Variants in CEP290 observed in about 807,000 individuals in gnomAD.
The protein encoded by CEP290 is centrosomal protein of 290 kDa.
Under a neutral mutation model 344.9 loss-of-function variants are expected in CEP290, and 317 were observed. The observed-to-expected ratio is 0.92, with a 90% CI of 0.84 to 1.01. The LOEUF is 1.01. CEP290 is among the 50% of genes least tolerant of loss of function. CEP290 has a pLI of 0.00. For synonymous variants in CEP290, 932 were observed against 895.8 expected (o/e 1.04, Z -0.72); for missense variants, 2,754 against 2,761.4 (o/e 1.00, Z 0.06).
chr12:88,132,602 T>C (rs1239967555), intron 6 of CEP290, among the ~76,000 whole-genome samples: 5 of 152,184 alleles, frequency 3.3e-5, no homozygotes, highest in Non-Finnish European at 5.9e-5. Context: ...AAAATGTGAT[T>C]GAACAAACAA....
At chr12:88,076,078 T>A (rs1173000954) in intron 41 of CEP290, among the ~76,000 whole-genome samples, 1 of 152,164 alleles carries the variant, frequency 6.6e-6, no homozygotes, top group Non-Finnish European at 1.5e-5. Context: ...ACACACCAGT[T>A]AGGAACAAAC....
intron 52 of CEP290, among the ~76,000 whole-genome samples, 185 bp from the exon 53 acceptor site, chr12:88,050,618 A>G (rs991041820): frequency 6.6e-6 from 1 of 152,202 alleles, no homozygotes; most frequent in Non-Finnish European, 1.5e-5. Context: ...ATCAAGTATT[A>G]TAATTTCATA....
At position 88,090,830 on chromosome 12, in the gene CEP290, C is replaced by T; in HGVS notation, c.3471G>A (p.Glu1157=). ...CTTGTCTTCTGGCAATATCAGAAAT[C>T]TCTCTCAGTCTAGGAAATGATAAGG... is the stretch of plus-strand genomic sequence containing the variant. ...ELKVEVSKLR[E]ISDIARRQVE... is the part of the protein sequence containing the mutation. Residue 1157 remains glutamate, a synonymous_variant, in exon 30 of 54, where the codon GAG becomes GAA. Transcript: ENST00000552810. 1.3e-6 allele frequency: 2 copies of T among 1,544,168 alleles called. No individual in the cohort carries two copies. Among genetic ancestry groups the T allele is most frequent in the Non-Finnish European group, 1.8e-6 (2 of 1,138,398 alleles).
At chr12:88,065,225 A>G (rs377532395) in intron 44 of CEP290, among the ~76,000 whole-genome samples, 1 of 151,922 alleles carries the variant, frequency 6.6e-6, no homozygotes, top group African/African-American at 2.4e-5. Context: ...GATGGGCTGT[A>G]AAGTCAGTTA....
intron 34 of CEP290, among the ~76,000 whole-genome samples, chr12:88,085,263 T>C (rs996714413): frequency 4.6e-5 from 7 of 152,090 alleles, no homozygotes; most frequent in Non-Finnish European, 1.0e-4. Flanking sequence ...ACTGGAATTT[T>C]AGAGGCCCAA....
intron 6 of CEP290, 49 bp downstream of exon 6, chr12:88,136,577 ACCAATAATAATAAAAAG>A (rs769185796): frequency 1.3e-5 from 19 of 1,452,928 alleles, no homozygotes; most frequent in South Asian, 5.9e-5. Flanking sequence ...TGATATTGTT[ACCAATAATAATAAAAAG>A]CCAGGTAACT....
In CEP290 at chr12:88,083,146, G is replaced by A. The variant is rs1159120623; in HGVS notation, c.4897C>T (p.Gln1633Ter). 6.4e-7 allele frequency: 1 copy of A among 1,555,838 alleles called. No individual in the cohort carries two copies. The highest frequency in any genetic ancestry group is 8.7e-7 in the Non-Finnish European group (1 of 1,149,974). ...AAGAGTGAGGAAAGAGAGTCATCTTGTTCTGCTACTGTCTGTTCCATCTCA... is the reference window on the plus strand; with the variant it reads ...AAGAGTGAGGAAAGAGAGTCATCTTATTCTGCTACTGTCTGTTCCATCTCA... ...LAEMEQTVAEQDDSLSSLLVK... is the reference protein window; with the variant it reads ...LAEMEQTVAE The change falls in exon 37 of 54, where the codon CAA becomes TAA. Residue 1633 changes from glutamine (Q) to a stop codon, truncating the protein, a stop_gained. Transcript: ENST00000552810. LOFTEE classifies it high-confidence loss of function.
At chr12:88,135,599 C>T (rs1046549764) in intron 6 of CEP290, 3 of 152,110 alleles carry the variant, frequency 2.0e-5, no homozygotes, top group Non-Finnish European at 4.4e-5. Context: ...GTTTTCATAG[C>T]TAACTTCTAT....
chr12:88,111,281 A>T lies in CEP290; in HGVS notation c.2288T>A (p.Ile763Asn). 1 of 1,556,234 alleles carries T rather than the reference A, an allele frequency of 6.4e-7. No homozygotes were observed. The highest frequency in any genetic ancestry group is 8.7e-7 in the Non-Finnish European group (1 of 1,149,494). Residue 763 changes from isoleucine (I) to asparagine (N), a missense_variant, in exon 22 of 54, where the codon ATT (isoleucine) becomes AAT (asparagine). Coordinates refer to ENST00000552810, the MANE Select transcript of CEP290 (RefSeq NM_025114.4). ...SEGSNVVFKG[I>N]DLPDGIAPSS... is the part of the protein sequence containing the mutation. ...TGGTGCTATCCCATCAGGTAAGTCAATTCCTTTAAAAACAACATTTGATCC... is the reference window on the plus strand; with the variant it reads ...TGGTGCTATCCCATCAGGTAAGTCATTTCCTTTAAAAACAACATTTGATCC...
chr12:88,083,032 G>T lies in CEP290; in HGVS notation c.5011C>A (p.Gln1671Lys). Residue 1671 changes from glutamine to lysine, a missense_variant and splice_region_variant, in exon 37 of 54, where the codon CAG (glutamine) becomes AAG (lysine). Transcript: ENST00000552810. ...TTACAATACATTTCGAAGACTTACT[G>T]TAATTTGATATTTTCAAATTCTTTT... is the stretch of plus-strand genomic sequence containing the variant. ...KVKEFENIKL[Q>K]LQENHEDEVK... 1 of 1,456,208 alleles carries T rather than the reference G, an allele frequency of 6.9e-7. No homozygotes were observed. The highest frequency in any genetic ancestry group is 9.3e-7 in the Non-Finnish European group (1 of 1,075,578). The allele number at this position is 1,456,208 out of a possible 1,614,324, so 90.2% of individuals were successfully genotyped here.
chr12:88,086,071 C>A lies in CEP290; in HGVS notation c.4405G>T (p.Glu1469Ter). Residue 1469 changes from glutamate (E) to a stop codon, truncating the protein, a stop_gained, in exon 34 of 54, where the codon GAA becomes TAA. Coordinates refer to ENST00000552810, the MANE Select transcript of CEP290 (RefSeq NM_025114.4). LOFTEE classifies it high-confidence loss of function. ...KIKENIRIIL[E>*]TRATCKSLEE... ...AGTGATTTGCAAGTTGCCCGTGTTT[C>A]TAGAATTATTCGAATGTTCTCCTTA... 6.2e-7 allele frequency: 1 copy of A among 1,612,464 alleles called. No homozygotes were observed.
rs2036553416 is a variant in CEP290 at position 88,086,095 on chromosome 12, T to C, written c.4381A>G (p.Lys1461Glu). 1 of 1,613,088 alleles carries C rather than the reference T, an allele frequency of 6.2e-7. No individual in the cohort carries two copies. ...NQLEIALRKIKENIRIILETR... is the reference protein window; with the variant it reads ...NQLEIALRKIEENIRIILETR... Reference sequence around the variant, plus strand: ...TCTAGAATTATTCGAATGTTCTCCTTAATTTTCCTTAGAGCGATCTCAAGT... The same window carrying C: ...TCTAGAATTATTCGAATGTTCTCCTCAATTTTCCTTAGAGCGATCTCAAGT... The change falls in exon 34 of 54, where the codon AAG (lysine) becomes GAG (glutamate). Residue 1461 changes from lysine (K) to glutamate (E), a missense_variant. By Grantham distance (56) the Lys-to-Glu change is moderately conservative. Transcript: ENST00000552810.
chr12:88,102,612 T>G (rs191210410), intron 26 of CEP290, among the ~76,000 whole-genome samples: 15 of 150,280 alleles, frequency 1.0e-4, no homozygotes. Context: ...CATTCAGAAG[T>G]CATTCAGCCA....
intron 52 of CEP290, 88 bp from the exon 53 acceptor site, chr12:88,050,521 A>G (rs2033395832): frequency 3.3e-6 from 2 of 606,384 alleles, no homozygotes; most frequent in African/African-American, 3.8e-5. Flanking sequence ...GAACAGAGAT[A>G]CATTTTATGA....
intron 13 of CEP290, among the ~76,000 whole-genome samples, chr12:88,123,772 A>G (rs1357637305): frequency 6.6e-6 from 1 of 152,070 alleles, no homozygotes; most frequent in East Asian, 1.9e-4. Flanking sequence ...ACTTTTATAT[A>G]CAAGTGCCTA....
At chr12:88,082,981 T>C (rs1422376333) in intron 37 of CEP290, 50 bp downstream of exon 37, 5 of 1,078,228 alleles carry the variant, frequency 4.6e-6, no homozygotes, top group Non-Finnish European at 6.7e-6. Flanking sequence ...TTTATCTTCA[T>C]TATATCACTT....
chr12:88,085,527 T>G (rs189813312), intron 34 of CEP290, among the ~76,000 whole-genome samples: 2 of 152,226 alleles, frequency 1.3e-5, no homozygotes, highest in African/African-American at 4.8e-5. Flanking sequence ...AGATGAAAAC[T>G]AAAATGAAAA....
Position 88,063,971 on chromosome 12 carries a change from T to C in CEP290, c.6270+10A>G. 1.3e-6 allele frequency: 2 copies of C among 1,582,962 alleles called. No homozygotes were observed. Among genetic ancestry groups the C allele is most frequent in the Middle Eastern group, 1.8e-4 (1 of 5,602 alleles). ...GCATTAGATTTCCTAATAAAAAACA[T>C]TAAATTCACCTTTAATCTTGGCAAA... On this transcript the variant is annotated intron_variant, in intron 45 of 53. Coordinates refer to ENST00000552810, the MANE Select transcript of CEP290 (RefSeq NM_025114.4).
Position 88,125,242 on chromosome 12 carries a change from A to T in CEP290, c.1189+4T>A. The stretch of plus-strand genomic sequence containing the variant: ...ATAAAATAACTATATATTTATAAAA[A>T]TACCTTTGTTTCTTTGGAGCTCATT... On this transcript the variant is annotated splice_donor_region_variant and intron_variant, in intron 13 of 53. Transcript: ENST00000552810. 1.3e-6 allele frequency: 1 copy of T among 753,194 alleles called. No homozygotes were observed. Among genetic ancestry groups the T allele is most frequent in the Non-Finnish European group, 2.0e-6 (1 of 510,874 alleles). The allele number at this position is 753,194 out of a possible 1,614,324, so 46.7% of individuals were successfully genotyped here.
Sources: gnomAD v4.1 joint callset for allele counts (sites outside exome capture counted in the v4.1 genomes callset) on GRCh38, gnomAD v4.1.1 for gene constraint, MANE v1.5 for transcripts, NCBI Gene and HGNC (gene_info 2026-07-23, HGNC 2026-07-21) for gene names.